LSM11: variants seen among roughly 807,000 people sequenced by gnomAD.
LSM11 encodes the protein U7 snRNA-associated Sm-like protein LSm11.
Under a neutral mutation model 28.1 loss-of-function variants are expected in LSM11, and 14 were observed. That is an observed-to-expected ratio of 0.50 (90% CI 0.33 to 0.78). LSM11 has a LOEUF of 0.78. Ranked by LOEUF, LSM11 falls within the 30% of genes least tolerant of loss-of-function variation. The pLI, the probability that LSM11 is intolerant of heterozygous loss-of-function variation, is 0.02. For synonymous variants in LSM11, 207 were observed against 214.2 expected, an observed-to-expected ratio of 0.97 and a Z score of 0.30; for missense variants, 495 against 510.6, an observed-to-expected ratio of 0.97 and a Z score of 0.30.
At chr5:157,752,559 T>C (rs1337701193) in intron 2 of LSM11, among the ~76,000 whole-genome samples, 1 of 151,798 alleles carries the variant, frequency 6.6e-6, no homozygotes, top group African/African-American at 2.4e-5. Flanking sequence ...AGTTAAGAAC[T>C]ACTAGGCTGC....
chr5:157,744,642 A>G (rs1265172527), intron 1 of LSM11, among the ~76,000 whole-genome samples: 1 of 152,084 alleles, frequency 6.6e-6, no homozygotes, highest in Non-Finnish European at 1.5e-5. Flanking sequence ...TAGAGACCAC[A>G]GTGAGAGGTA....
At chr5:157,750,725 G>A (rs1225200047) in intron 1 of LSM11, among the ~76,000 whole-genome samples, 2 of 152,274 alleles carry the variant, frequency 1.3e-5, no homozygotes, top group African/African-American at 4.8e-5. Flanking sequence ...TTGTCTTAAG[G>A]CACAGAATTG....
intron 3 of LSM11, among the ~76,000 whole-genome samples, chr5:157,754,343 A>G (rs1761286189): frequency 6.6e-6 from 1 of 152,166 alleles, no homozygotes; most frequent in Non-Finnish European, 1.5e-5. Context: ...TCAGCTTTAT[A>G]CCACAGAAAT....
intron 1 of LSM11, among the ~76,000 whole-genome samples, chr5:157,745,515 A>T (rs1311275503): frequency 6.6e-6 from 1 of 152,180 alleles, no homozygotes; most frequent in Non-Finnish European, 1.5e-5. Context: ...GCAATTTGCC[A>T]CCATTAGGTA....
At chr5:157,744,794 C>A (rs866326422) in intron 1 of LSM11, among the ~76,000 whole-genome samples, 1 of 152,268 alleles carries the variant, frequency 6.6e-6, no homozygotes, top group Middle Eastern at 3.4e-3. Context: ...AATCCCATAA[C>A]CCCTGTACAT....
At chr5:157,744,988 C>T (rs576378978) in intron 1 of LSM11, among the ~76,000 whole-genome samples, 2 of 152,270 alleles carry the variant, frequency 1.3e-5, no homozygotes, top group African/African-American at 4.8e-5. Flanking sequence ...CTCATATTAC[C>T]ATATGTGCAG....
At chr5:157,751,299 A>G (rs1761227752) in intron 1 of LSM11, 91 bp from the exon 2 acceptor site, 1 of 1,405,686 alleles carries the variant, frequency 7.1e-7, no homozygotes, top group East Asian at 2.4e-5. Context: ...CATGGGCCAC[A>G]TGTTGCTGGC....
Position 157,753,630 on chromosome 5 carries a change from T to C in LSM11, c.589-374T>C, listed in dbSNP as rs532313103. On this transcript the variant is annotated intron_variant, in intron 2 of 3. Transcript: ENST00000286307. ...ATCAGAATCACCTGGGGCTTCTGGTTGAAACAAAAGGTTCCTGGGCTTCAT... is the reference window on the plus strand; with the variant it reads ...ATCAGAATCACCTGGGGCTTCTGGTCGAAACAAAAGGTTCCTGGGCTTCAT... 2.5e-4 allele frequency among the ~76,000 whole-genome samples: 38 copies of C among 152,328 alleles called. No individual in the cohort carries two copies. In the South Asian group the frequency reaches 5.0e-3, roughly 20 times the overall value.
chr5:157,744,265 C>T, intron 1 of LSM11, 67 bp downstream of exon 1: 1 of 1,144,426 alleles, frequency 8.7e-7, no homozygotes, highest in Non-Finnish European at 1.1e-6. Context: ...GAGGGGGCGT[C>T]TGCGGGGCGG....
At position 157,743,908 on chromosome 5, in the gene LSM11, TCAA is replaced by T. The variant is rs777352712; in HGVS notation, c.163_165del (p.Asn55del). The T allele has an allele frequency of 6.6e-7, 1 of 1,520,658 alleles. No homozygotes were observed. The highest frequency in any genetic ancestry group is 1.4e-5 in the African/African-American group (1 of 69,836). 94.2% of individuals were successfully genotyped at this position (1,520,658 alleles called of 1,614,324 possible). ...ATTCCCTACCCCAATGCCCCCTGCT[TCAA>T]CAACGTGGCGGAGTACGAGAGCTTC... On this transcript the variant is annotated inframe_deletion, in exon 1 of 4. Coordinates refer to ENST00000286307, the MANE Select transcript of LSM11 (RefSeq NM_173491.4).
rs1761194910 is a variant in LSM11, at chr5:157,749,570, A to G, written c.449-1820A>G. 4.2e-5 allele frequency among the ~76,000 whole-genome samples: 5 copies of G among 118,826 alleles called. No individual in the cohort carries two copies. In the South Asian group the frequency reaches 1.5e-3, roughly 36 times the overall value. The allele number at this position is 118,826 out of a possible 152,430, so 78.0% of individuals were successfully genotyped here. A position where few individuals can be genotyped will look rare whatever the true frequency, so the allele number is the denominator to read the frequency against. The stretch of plus-strand genomic sequence containing the variant: ...ATTTAATATGGCCTATAACACATAT[A>G]CACGCGCGCGCACGCGCGCACACAC... On this transcript the variant is annotated intron_variant, in intron 1 of 3. Transcript: ENST00000286307.
intron 2 of LSM11, among the ~76,000 whole-genome samples, chr5:157,752,735 A>G (rs62388986): frequency 0.17 from 25,668 of 150,684 alleles, 2,349 homozygotes; most frequent in South Asian, 0.29. Context: ...AATCCCAGCT[A>G]CTCAGGAGGC....
Position 157,754,095 on chromosome 5 carries a change from GT to G in LSM11, c.672+12del. 6.5e-7 allele frequency: 1 copy of G among 1,543,424 alleles called. No homozygotes were observed. The highest frequency in any genetic ancestry group is 8.7e-7 in the Non-Finnish European group (1 of 1,146,384). ...TCACTGACTCTCACTAGGGTAGGCA[GT>G]TTTCCCCTGACCTCCTGAGTAGCCA... On this transcript the variant is annotated intron_variant, in intron 3 of 3. Transcript: ENST00000286307.
chr5:157,753,043 A>G (rs1429486197), intron 2 of LSM11, among the ~76,000 whole-genome samples: 2 of 152,158 alleles, frequency 1.3e-5, no homozygotes, highest in South Asian at 2.1e-4. Flanking sequence ...TATTATCTCA[A>G]TGAATGAGTT....
chr5:157,752,292 G>A (rs1761249996), intron 2 of LSM11, among the ~76,000 whole-genome samples: 1 of 151,446 alleles, frequency 6.6e-6, no homozygotes, highest in African/African-American at 2.4e-5. Context: ...ACCATGCCCA[G>A]CTGATTTTTG....
chr5:157,744,053 C>T lies in LSM11; in HGVS notation c.303C>T (p.Asp101=), dbSNP rs1761106564. The change falls in exon 1 of 4, where the codon GAC becomes GAT. Residue 101 remains aspartate, a synonymous_variant. Coordinates refer to ENST00000286307, the MANE Select transcript of LSM11 (RefSeq NM_173491.4). ...CGGGCAGGACTCGTCGCCGCCCGGA[C>T]GCGCCCGCCCCGGACCCCGAGCGCA... ...GPSGRTRRRP[D]APAPDPERIQ... 6.9e-7 allele frequency: 1 copy of T among 1,440,568 alleles called. No individual in the cohort carries two copies. Among genetic ancestry groups the T allele is most frequent in the South Asian group, 1.4e-5 (1 of 73,884 alleles). The allele number at this position is 1,440,568 out of a possible 1,614,324, so 89.2% of individuals were successfully genotyped here.
chr5:157,755,389 G>A lies in LSM11; in HGVS notation c.*125G>A, dbSNP rs1036928856. The A allele has an allele frequency of 1.4e-5, 15 of 1,094,118 alleles. No homozygotes were observed. Among genetic ancestry groups the A allele is most frequent in the South Asian group, 4.8e-5 (3 of 62,920 alleles). The allele number at this position is 1,094,118 out of a possible 1,614,324, so 67.8% of individuals were successfully genotyped here. A position where few individuals can be genotyped will look rare whatever the true frequency, so the allele number is the denominator to read the frequency against. On this transcript the variant is annotated 3_prime_UTR_variant, in exon 4 of 4. Coordinates refer to ENST00000286307, the MANE Select transcript of LSM11 (RefSeq NM_173491.4). ...CTCTGGTCCTGCATATGCAGAGGACGGAGCAGGCTCAGCCCCCTGGAAGAT... is the reference window on the plus strand; with the variant it reads ...CTCTGGTCCTGCATATGCAGAGGACAGAGCAGGCTCAGCCCCCTGGAAGAT...
intron 1 of LSM11, chr5:157,747,644 A>G (rs1226264950): frequency 1.6e-5 from 3 of 182,104 alleles, no homozygotes; most frequent in Non-Finnish European, 2.4e-5. Flanking sequence ...ATTTCCCACA[A>G]TATGGTGTCT....
At chr5:157,752,730 C>T (rs964570036) in intron 2 of LSM11, among the ~76,000 whole-genome samples, 1 of 151,216 alleles carries the variant, frequency 6.6e-6, no homozygotes. Flanking sequence ...CTTGTAATCC[C>T]AGCTACTCAG....
Sources: allele counts gnomAD v4.1 joint callset (sites outside exome capture counted in the v4.1 genomes callset), GRCh38; gene constraint gnomAD v4.1.1; transcripts MANE v1.5; gene names NCBI Gene and HGNC (gene_info 2026-07-23, HGNC 2026-07-21).